ADAMTS12: variants seen among roughly 807,000 people sequenced by gnomAD.
The protein encoded by ADAMTS12 is A disintegrin and metalloproteinase with thrombospondin motifs 12.
A neutral mutation model predicts 167.8 loss-of-function variants in ADAMTS12; 118 were observed. The ratio of observed to expected loss-of-function variants is 0.70; its 90% confidence interval spans 0.61 to 0.82. The LOEUF (loss-of-function observed/expected upper bound fraction) is 0.82, where lower values mean the gene tolerates loss of function less well. Among genes scored for constraint, ADAMTS12 ranks in the 40% least tolerant of loss-of-function variants. ADAMTS12 has a pLI of 0.00. For synonymous variants in ADAMTS12, 704 were observed against 716.9 expected (o/e 0.98, Z 0.29); for missense variants, 1,916 against 1,998.8 (o/e 0.96, Z 0.79).
intron 3 of ADAMTS12, chr5:33,751,105 A>T: frequency 2.2e-6 from 1 of 459,388 alleles, no homozygotes; most frequent in Middle Eastern, 5.6e-4. Context: ...TTTAAAAAAA[A>T]TTCATTGTAA....
intron 14 of ADAMTS12, among the ~76,000 whole-genome samples, chr5:33,617,098 A>G (rs1739059323): frequency 6.6e-6 from 1 of 152,166 alleles, no homozygotes; most frequent in Non-Finnish European, 1.5e-5. Context: ...TGATTCATCT[A>G]ACTTCTTTGA....
intron 5 of ADAMTS12, among the ~76,000 whole-genome samples, chr5:33,664,627 C>T (rs1741402738): frequency 6.6e-6 from 1 of 152,006 alleles, no homozygotes; most frequent in African/African-American, 2.4e-5. Flanking sequence ...GTTAAAGTGG[C>T]TACTATCAAA....
intron 2 of ADAMTS12, among the ~76,000 whole-genome samples, chr5:33,764,941 A>T (rs1242039757): frequency 6.6e-6 from 1 of 152,080 alleles, no homozygotes. Context: ...AAGCAGCGCT[A>T]TTCTGCATAT....
Position 33,891,739 on chromosome 5 carries a change from T to C in ADAMTS12, c.118A>G (p.Arg40Gly), listed in dbSNP as rs769510701. 1.9e-6 allele frequency: 3 copies of C among 1,614,190 alleles called. No individual in the cohort carries two copies. The highest frequency in any genetic ancestry group is 2.5e-6 in the Non-Finnish European group (3 of 1,180,028). ...AAGAAGAGTCACTAACCTTGCCTCC[T>C]GTCCGGGAAGCGAACCGGGCCTGGC... ...PQPGPVRFPDRRQEHFIKGLP... is the reference protein window; with the variant it reads ...PQPGPVRFPDGRQEHFIKGLP... The change falls in exon 1 of 24, where the codon AGG becomes GGG. Residue 40 changes from arginine (R) to glycine (G), a missense_variant. Coordinates refer to ENST00000504830, the MANE Select transcript of ADAMTS12 (RefSeq NM_030955.4).
At chr5:33,724,168 T>G (rs1179691627) in intron 3 of ADAMTS12, among the ~76,000 whole-genome samples, 5 of 152,168 alleles carry the variant, frequency 3.3e-5, no homozygotes, top group Non-Finnish European at 7.3e-5. Context: ...GAAATAGAGA[T>G]TTTTAAACAG....
chr5:33,750,371 G>C (rs1395890914), intron 3 of ADAMTS12, among the ~76,000 whole-genome samples: 1 of 152,196 alleles, frequency 6.6e-6, no homozygotes, highest in Non-Finnish European at 1.5e-5. Context: ...AACTCCCAGG[G>C]AAGTTGCTAT....
In ADAMTS12 at chr5:33,551,651, T is replaced by C. The variant is rs560210367; in HGVS notation, c.4126-2268A>G. On this transcript the variant is annotated intron_variant, in intron 20 of 23. Coordinates refer to ENST00000504830, the MANE Select transcript of ADAMTS12 (RefSeq NM_030955.4). ...ATTTTCTATTTGTTGCTATAATCTG[T>C]TATTCCTAAATTTATTTTTCAAATT... 7.9e-5 allele frequency among the ~76,000 whole-genome samples: 12 copies of C among 152,360 alleles called. No homozygotes were observed. In the East Asian group the frequency reaches 2.3e-3, roughly 29 times the overall value.
At chr5:33,575,528 T>G (rs959464070) in intron 19 of ADAMTS12, among the ~76,000 whole-genome samples, 2 of 152,242 alleles carry the variant, frequency 1.3e-5, no homozygotes, top group African/African-American at 4.8e-5. Context: ...TATATCTCAC[T>G]ACATTTGTTC....
chr5:33,864,357 T>C (rs900169133), intron 2 of ADAMTS12, among the ~76,000 whole-genome samples: 5 of 152,166 alleles, frequency 3.3e-5, no homozygotes, highest in Admixed American at 2.0e-4. Context: ...GGAGAGGATG[T>C]AGAGAAATAG....
intron 3 of ADAMTS12, among the ~76,000 whole-genome samples, chr5:33,697,411 C>A (rs1459332477): frequency 6.6e-6 from 1 of 152,142 alleles, no homozygotes; most frequent in East Asian, 1.9e-4. Flanking sequence ...CGTTGCCATG[C>A]CAGGCCCAGA....
At chr5:33,582,669 GT>G (rs1747127553) in intron 18 of ADAMTS12, among the ~76,000 whole-genome samples, 3 of 152,182 alleles carry the variant, frequency 2.0e-5, no homozygotes, top group Admixed American at 2.0e-4. Context: ...TTGTTTGTGT[GT>G]TTTTGTCAGG....
intron 21 of ADAMTS12, among the ~76,000 whole-genome samples, chr5:33,547,547 T>C (rs1022826602): frequency 2.0e-5 from 3 of 152,146 alleles, no homozygotes; most frequent in Admixed American, 6.5e-5. Flanking sequence ...GGAAAGTACC[T>C]AAAGATGCCC....
chr5:33,778,503 A>G (rs1745998341), intron 2 of ADAMTS12, among the ~76,000 whole-genome samples: 1 of 149,314 alleles, frequency 6.7e-6, no homozygotes, highest in Non-Finnish European at 1.5e-5. Context: ...CTTATCTCAT[A>G]CCATATACAA....
At chr5:33,577,851 T>C (rs1253969268) in intron 18 of ADAMTS12, among the ~76,000 whole-genome samples, 2 of 152,110 alleles carry the variant, frequency 1.3e-5, no homozygotes. Flanking sequence ...CGGGTACTGG[T>C]AAGTGCCCCT....
chr5:33,754,917 A>T (rs1407018889), intron 2 of ADAMTS12, among the ~76,000 whole-genome samples: 2 of 152,226 alleles, frequency 1.3e-5, no homozygotes, highest in Non-Finnish European at 2.9e-5. Flanking sequence ...AAGTCTACTA[A>T]AAACTGTTTT....
intron 2 of ADAMTS12, among the ~76,000 whole-genome samples, chr5:33,816,473 T>G (rs1477605138): frequency 6.6e-6 from 1 of 152,142 alleles, no homozygotes; most frequent in Non-Finnish European, 1.5e-5. Context: ...CATCTCCCCC[T>G]TCCCTTCCCT....
chr5:33,886,091 C>T (rs557006145), intron 1 of ADAMTS12, among the ~76,000 whole-genome samples: 2 of 152,184 alleles, frequency 1.3e-5, no homozygotes, highest in Non-Finnish European at 2.9e-5. Context: ...CTTATAGAAA[C>T]TGCCTCTGAA....
At chr5:33,566,662 T>A (rs920134969) in intron 19 of ADAMTS12, among the ~76,000 whole-genome samples, 3 of 152,168 alleles carry the variant, frequency 2.0e-5, no homozygotes, top group African/African-American at 7.2e-5. Context: ...TAGGTCAAAA[T>A]CCTTATTGCT....
chr5:33,696,460 T>C (rs963524669), intron 3 of ADAMTS12, among the ~76,000 whole-genome samples: 1 of 151,430 alleles, frequency 6.6e-6, no homozygotes, highest in Non-Finnish European at 1.5e-5. Context: ...AGAAATTCCA[T>C]TGTCCAAAAC....
Sources: allele counts gnomAD v4.1 joint callset (sites outside exome capture counted in the v4.1 genomes callset), GRCh38; gene constraint gnomAD v4.1.1; transcripts MANE v1.5; gene names NCBI Gene and HGNC (gene_info 2026-07-23, HGNC 2026-07-21).